The following KCND2 variants were observed in gnomAD, a reference collection of about 807,000 sequenced individuals.
The protein encoded by KCND2 is A-type voltage-gated potassium channel KCND2.
In KCND2, 16 loss-of-function variants were observed where a neutral mutation model predicts 54.4. That is an observed-to-expected ratio of 0.29 (90% CI 0.20 to 0.45). The LOEUF (loss-of-function observed/expected upper bound fraction) is 0.45. KCND2 is among the 20% of genes least tolerant of loss of function. KCND2 has a pLI of 1.00. For missense variants in KCND2, 486 were observed against 824.2 expected (o/e 0.59, Z 5.02); for synonymous variants, 317 against 310.7 (o/e 1.02, Z -0.21).
intron 1 of KCND2, among the ~76,000 whole-genome samples, chr7:120,573,630 T>C (rs548664439): frequency 2.6e-4 from 40 of 152,302 alleles, no homozygotes; most frequent in African/African-American, 8.7e-4. Flanking sequence ...AGATCTTCAG[T>C]TGGCAATTGG....
At chr7:120,280,183 A>G (rs1469813784) in intron 1 of KCND2, among the ~76,000 whole-genome samples, 1 of 152,070 alleles carries the variant, frequency 6.6e-6, no homozygotes, top group Non-Finnish European at 1.5e-5. Flanking sequence ...AGAAAATGTT[A>G]GTTGATGGAA....
rs951535533 is a variant in KCND2, at chr7:120,582,777, C to T, written c.1116-150126C>T. On this transcript the variant is annotated intron_variant, in intron 1 of 5. Transcript: ENST00000331113. ...TCAGTTTTTGTTTTATCCTTGGGCC[C>T]AATTATGGCCCAGCAGGTATTTTAT... Among the ~76,000 whole-genome samples, 12 of 152,176 alleles carry T rather than the reference C, an allele frequency of 7.9e-5. No individual in the cohort carries two copies. The South Asian group carries it at 1.9e-3, about 24-fold the overall frequency.
At chr7:120,516,809 T>G (rs1303951745) in intron 1 of KCND2, among the ~76,000 whole-genome samples, 1 of 152,118 alleles carries the variant, frequency 6.6e-6, no homozygotes, top group African/African-American at 2.4e-5. Flanking sequence ...GTATTATACT[T>G]CTGAGCTTTT....
At chr7:120,470,207 G>A (rs999592523) in intron 1 of KCND2, among the ~76,000 whole-genome samples, 3 of 152,038 alleles carry the variant, frequency 2.0e-5, no homozygotes, top group African/African-American at 7.2e-5. Flanking sequence ...TAAAGTTCAA[G>A]GCTTGAATAG....
chr7:120,461,406 T>C (rs1217114685), intron 1 of KCND2, among the ~76,000 whole-genome samples: 1 of 152,214 alleles, frequency 6.6e-6, no homozygotes, highest in Non-Finnish European at 1.5e-5. Context: ...CTTCAAGCAG[T>C]GAAAAACAAA....
intron 1 of KCND2, among the ~76,000 whole-genome samples, chr7:120,574,889 A>G (rs1042940368): frequency 6.6e-6 from 1 of 152,136 alleles, no homozygotes; most frequent in Non-Finnish European, 1.5e-5. Context: ...TTTTCTATGT[A>G]AACAATGTAA....
chr7:120,631,643 G>A (rs1331986257), intron 1 of KCND2, among the ~76,000 whole-genome samples: 1 of 152,026 alleles, frequency 6.6e-6, no homozygotes, highest in Non-Finnish European at 1.5e-5. Flanking sequence ...ATACAGAAAG[G>A]AACAACTGTC....
chr7:120,593,592 G>A (rs1584845078), intron 1 of KCND2, among the ~76,000 whole-genome samples: 2 of 152,250 alleles, frequency 1.3e-5, no homozygotes, highest in African/African-American at 4.8e-5. Flanking sequence ...TTGGCAGCAA[G>A]AGAGCTCCCC....
At chr7:120,633,957 C>T (rs757065180) in intron 1 of KCND2, among the ~76,000 whole-genome samples, 4 of 152,050 alleles carry the variant, frequency 2.6e-5, no homozygotes, top group Non-Finnish European at 5.9e-5. Flanking sequence ...TATTTTAAAG[C>T]TCTTTGAGTA....
chr7:120,650,548 C>T (rs563859531), intron 1 of KCND2, among the ~76,000 whole-genome samples: 2 of 143,244 alleles, frequency 1.4e-5, no homozygotes, highest in South Asian at 2.2e-4. Context: ...AGCTTCTTTG[C>T]GATGGGTTCG....
Position 120,643,891 on chromosome 7 carries a change from A to G in KCND2, c.1116-89012A>G, listed in dbSNP as rs182261523. 2.6e-3 allele frequency among the ~76,000 whole-genome samples: 386 copies of G among 151,014 alleles called. 2 individuals carry two copies. Among genetic ancestry groups the G allele is most frequent in the Non-Finnish European group, 4.5e-3 (308 of 67,716 alleles). Reference sequence around the variant, plus strand: ...AATTCAAATAATACTTACAATAATTATCCTTATATTAATATAATAATATTT... The same window carrying G: ...AATTCAAATAATACTTACAATAATTGTCCTTATATTAATATAATAATATTT... On this transcript the variant is annotated intron_variant, in intron 1 of 5. Transcript: ENST00000331113.
At chr7:120,558,087 C>T (rs565820592) in intron 1 of KCND2, among the ~76,000 whole-genome samples, 12 of 152,064 alleles carry the variant, frequency 7.9e-5, no homozygotes, top group South Asian at 6.2e-4. Flanking sequence ...AATTTTTTCA[C>T]GGATCTCCAA....
At chr7:120,401,628 G>A (rs1400818047) in intron 1 of KCND2, among the ~76,000 whole-genome samples, 2 of 152,068 alleles carry the variant, frequency 1.3e-5, no homozygotes, top group Non-Finnish European at 2.9e-5. Flanking sequence ...AAATATTACT[G>A]TGTTTATAAG....
At chr7:120,296,272 T>C (rs886189664) in intron 1 of KCND2, among the ~76,000 whole-genome samples, 3 of 152,078 alleles carry the variant, frequency 2.0e-5, no homozygotes, top group Non-Finnish European at 4.4e-5. Flanking sequence ...TTACATATCA[T>C]GCTTTTCCAA....
At chr7:120,733,948 C>CAAAAGAA (rs758522889) in intron 2 of KCND2, among the ~76,000 whole-genome samples, 1 of 151,950 alleles carries the variant, frequency 6.6e-6, no homozygotes, top group Non-Finnish European at 1.5e-5. Context: ...ATGTTTTTCA[C>CAAAAGAA]AAAAGAATTC....
chr7:120,376,577 A>C (rs993091536), intron 1 of KCND2, among the ~76,000 whole-genome samples: 17 of 151,132 alleles, frequency 1.1e-4, no homozygotes, highest in Non-Finnish European at 2.5e-4. Flanking sequence ...ATCATTATAA[A>C]ATATAAAAAT....
chr7:120,364,296 A>C (rs1220100461), intron 1 of KCND2, among the ~76,000 whole-genome samples: 1 of 152,144 alleles, frequency 6.6e-6, no homozygotes, highest in African/African-American at 2.4e-5. Flanking sequence ...ATACTATCCT[A>C]AGTGCTCTCC....
At chr7:120,745,106 C>G in intron 4 of KCND2, among the ~76,000 whole-genome samples, 1 of 151,968 alleles carries the variant, frequency 6.6e-6, no homozygotes, top group East Asian at 1.9e-4. Context: ...TGATGTATTA[C>G]GAAGATTACA....
At chr7:120,282,370 T>G (rs1020751522) in intron 1 of KCND2, among the ~76,000 whole-genome samples, 2 of 152,150 alleles carry the variant, frequency 1.3e-5, no homozygotes, top group African/African-American at 4.8e-5. Flanking sequence ...ACATAGGAGA[T>G]AGATGCAATT....
Sources: allele counts gnomAD v4.1 joint callset (sites outside exome capture counted in the v4.1 genomes callset), GRCh38; gene constraint gnomAD v4.1.1; transcripts MANE v1.5; gene names NCBI Gene and HGNC (gene_info 2026-07-23, HGNC 2026-07-21).